MEI1: variants seen among roughly 807,000 people sequenced by gnomAD.
MEI1 encodes the protein meiotic double-stranded break formation protein 1.
A neutral mutation model predicts 146.2 loss-of-function variants in MEI1; 103 were observed. The observed-to-expected ratio is 0.70, with a 90% confidence interval of 0.60 to 0.83. The LOEUF (loss-of-function observed/expected upper bound fraction) is 0.83, where lower values mean the gene tolerates loss of function less well. Among genes scored for constraint, MEI1 ranks in the 40% least tolerant of loss-of-function variants. The probability of loss-of-function intolerance (pLI) is 0.00; values close to 1 mark genes in which losing one functional copy is unlikely to be tolerated. For synonymous variants in MEI1, 652 were observed against 628.2 expected, an observed-to-expected ratio of 1.04 and a Z score of -0.57; for missense variants, 1,529 against 1,533.0, an observed-to-expected ratio of 1.00 and a Z score of 0.04.
At chr22:41,739,175 G>A (rs1331649624) in intron 11 of MEI1, among the ~76,000 whole-genome samples, 2 of 151,870 alleles carry the variant, frequency 1.3e-5, no homozygotes, top group African/African-American at 4.8e-5. Flanking sequence ...GTGGTGGCGA[G>A]TGCCTGTAAT....
chr22:41,740,570 T>A (rs1046904651), intron 11 of MEI1, among the ~76,000 whole-genome samples: 1 of 151,960 alleles, frequency 6.6e-6, no homozygotes, highest in East Asian at 1.9e-4. Context: ...GAGGAAACGC[T>A]ATCTCTACAA....
chr22:41,706,508 C>T (rs1183098788), intron 3 of MEI1, among the ~76,000 whole-genome samples: 1 of 152,002 alleles, frequency 6.6e-6, no homozygotes, highest in Non-Finnish European at 1.5e-5. Context: ...TTTAGTACAT[C>T]TCGTATTGGT....
At chr22:41,743,221 C>G (rs373169858) in intron 12 of MEI1, 27 bp downstream of exon 12, 1 of 1,496,058 alleles carries the variant, frequency 6.7e-7, no homozygotes, top group African/African-American at 1.4e-5. Context: ...CTGCTGCTTC[C>G]GAAGATCATG....
At chr22:41,701,324 G>A (rs982421995) in intron 1 of MEI1, among the ~76,000 whole-genome samples, 2 of 152,038 alleles carry the variant, frequency 1.3e-5, no homozygotes, top group African/African-American at 4.8e-5. Flanking sequence ...GTACACTTGT[G>A]GGAGAATAAG....
At chr22:41,750,441 G>A (rs1217175150) in intron 15 of MEI1, among the ~76,000 whole-genome samples, 11 of 152,330 alleles carry the variant, frequency 7.2e-5, no homozygotes, top group Admixed American at 4.6e-4. Context: ...CACATTGGCC[G>A]GAGCAGCTTC....
chr22:41,759,802 C>G (rs2074351287), intron 18 of MEI1, among the ~76,000 whole-genome samples: 1 of 152,024 alleles, frequency 6.6e-6, no homozygotes, highest in South Asian at 2.1e-4. Flanking sequence ...GCACTCCAGC[C>G]TGGGTGTCAG....
chr22:41,786,396 T>TA (rs1602158610), intron 26 of MEI1, among the ~76,000 whole-genome samples: 2 of 152,146 alleles, frequency 1.3e-5, no homozygotes, highest in African/African-American at 4.8e-5. Context: ...CAATTTGGCT[T>TA]ATAACTGAGA....
intron 18 of MEI1, among the ~76,000 whole-genome samples, chr22:41,762,455 G>A (rs1416180454): frequency 6.6e-6 from 1 of 151,530 alleles, no homozygotes; most frequent in Non-Finnish European, 1.5e-5. Flanking sequence ...GCTCGCTGCA[G>A]CCTCAACCTC....
At position 41,712,396 on chromosome 22, in the gene MEI1, G is replaced by A. The variant is rs554769386; in HGVS notation, c.350-1606G>A. ...ACTACAGGCGCCCACCACCACGCCC[G>A]GCTAATTTTTTTGTATTTTTAGTAG... is the stretch of plus-strand genomic sequence containing the variant. On this transcript the variant is annotated intron_variant, in intron 3 of 30. Transcript: ENST00000401548. Among the ~76,000 whole-genome samples, 34 of 150,926 alleles carry A rather than the reference G, an allele frequency of 2.3e-4. No homozygotes were observed. The South Asian group carries it at 6.1e-3, about 27-fold the overall frequency.
At chr22:41,730,398 G>A in intron 8 of MEI1, 123 bp from the exon 9 acceptor site, 1 of 657,524 alleles carries the variant, frequency 1.5e-6, no homozygotes, top group Non-Finnish European at 2.8e-6. Flanking sequence ...CTCATGGAGA[G>A]GATATGTGAA....
At chr22:41,790,323 G>C (rs991367785) in intron 26 of MEI1, among the ~76,000 whole-genome samples, 3 of 152,124 alleles carry the variant, frequency 2.0e-5, no homozygotes, top group African/African-American at 7.2e-5. Context: ...GGCCTCAAGT[G>C]ATCTGCCTGC....
chr22:41,784,615 C>T lies in MEI1; in HGVS notation c.3177C>T (p.Ile1059=), dbSNP rs1308249803. The change falls in exon 26 of 31, where the codon ATC becomes ATT. Residue 1059 remains isoleucine, a synonymous_variant. Transcript: ENST00000401548. ...KKKAALLSAA[I]LCFLRTALRQ... is the part of the protein sequence containing the mutation. ...GGAATCTCCTGCTTCCAGCTGCCAT[C>T]TTATGCTTCCTGCGGACAGCCCTGC... The T allele has an allele frequency of 6.2e-7, 1 of 1,612,202 alleles. No individual in the cohort carries two copies. Among genetic ancestry groups the T allele is most frequent in the Non-Finnish European group, 8.5e-7 (1 of 1,179,736 alleles).
At chr22:41,736,861 T>C (rs1049905159) in intron 11 of MEI1, among the ~76,000 whole-genome samples, 1 of 152,200 alleles carries the variant, frequency 6.6e-6, no homozygotes, top group African/African-American at 2.4e-5. Flanking sequence ...CAGCCCACTA[T>C]AGTGTTTTCC....
At chr22:41,784,929 AT>A (rs2075903273) in intron 26 of MEI1, 146 bp downstream of exon 26, 1 of 285,278 alleles carries the variant, frequency 3.5e-6, no homozygotes, top group African/African-American at 2.4e-5. Flanking sequence ...TTTTTATTTT[AT>A]TTATTTATTT....
intron 24 of MEI1, among the ~76,000 whole-genome samples, chr22:41,783,903 G>A (rs1285235658): frequency 6.6e-6 from 1 of 152,120 alleles, no homozygotes; most frequent in African/African-American, 2.4e-5. Flanking sequence ...GGCTGGTCTT[G>A]AACTCCTGGG....
intron 5 of MEI1, among the ~76,000 whole-genome samples, chr22:41,716,479 C>T (rs1272176143): frequency 2.7e-5 from 4 of 147,572 alleles, no homozygotes; most frequent in East Asian, 2.0e-4. Flanking sequence ...CGGGTTCAAG[C>T]GATTCTCCTA....
intron 11 of MEI1, among the ~76,000 whole-genome samples, chr22:41,740,728 TCAAAAACAAAAA>T (rs113925419): frequency 2.1e-4 from 32 of 151,702 alleles, no homozygotes; most frequent in Middle Eastern, 3.4e-3. Flanking sequence ...AGACCCTGTC[TCAAAAACAAAAA>T]CAAAAACAAA....
chr22:41,715,252 G>A (rs2147332982), intron 4 of MEI1, among the ~76,000 whole-genome samples: 1 of 152,082 alleles, frequency 6.6e-6, no homozygotes, highest in Non-Finnish European at 1.5e-5. Flanking sequence ...CCAGAGTTAA[G>A]AATCTTGCCA....
At chr22:41,784,958 C>T (rs753507009) in intron 26 of MEI1, among the ~76,000 whole-genome samples, 175 bp downstream of exon 26, 19 of 126,226 alleles carry the variant, frequency 1.5e-4, no homozygotes, top group Non-Finnish European at 2.4e-4. Flanking sequence ...TATTTAGAGA[C>T]AGAGTTTCGC....
Sources: allele counts gnomAD v4.1 joint callset (sites outside exome capture counted in the v4.1 genomes callset), GRCh38; gene constraint gnomAD v4.1.1; transcripts MANE v1.5; gene names NCBI Gene and HGNC (gene_info 2026-07-23, HGNC 2026-07-21).